The following XRCC4 variants were observed in gnomAD, a reference collection of about 807,000 sequenced individuals.
XRCC4 encodes DNA repair protein XRCC4.
A neutral mutation model predicts 39.1 loss-of-function variants in XRCC4; 28 were observed. That is an observed-to-expected ratio of 0.72 (90% confidence interval 0.53 to 0.98). The LOEUF (loss-of-function observed/expected upper bound fraction) is 0.98. Among genes scored for constraint, XRCC4 ranks in the 50% least tolerant of loss-of-function variants. The pLI, the probability that XRCC4 is intolerant of heterozygous loss-of-function variation, is 0.00. For synonymous variants in XRCC4, 123 were observed against 126.4 expected (o/e 0.97, Z 0.18); for missense variants, 350 against 376.4 (o/e 0.93, Z 0.58).
intron 3 of XRCC4, among the ~76,000 whole-genome samples, chr5:83,127,880 C>CTTTTTTTTTTTTTTTTTTT (rs59797411): frequency 7.5e-6 from 1 of 134,148 alleles, no homozygotes; most frequent in Non-Finnish European, 1.6e-5. Context: ...TCTAAGTTGA[C>CTTTTTTTTTTTTTTTTTTT]TTTTTTTTTT....
Position 83,303,212 on chromosome 5 carries a change from CAAAAAAA to C in XRCC4, c.893+44550_893+44556del, listed in dbSNP as rs760220069. 6.5e-3 allele frequency among the ~76,000 whole-genome samples: 409 copies of C among 62,886 alleles called. 9 individuals are homozygous for C. In the East Asian group the frequency reaches 0.16, roughly 24 times the overall value. 41.3% of individuals were successfully genotyped at this position (62,886 alleles called of 152,430 possible). On this transcript the variant is annotated intron_variant, in intron 7 of 7. Coordinates refer to ENST00000396027, the MANE Select transcript of XRCC4 (RefSeq NM_003401.5). ...TAGGAGACAGAGCAAGACTCCGTCT[CAAAAAAA>C]AAAAAAAAAAAAAAGATGTCAAACT...
chr5:83,343,259 T>C (rs1756817144), intron 7 of XRCC4, among the ~76,000 whole-genome samples: 1 of 152,098 alleles, frequency 6.6e-6, no homozygotes, highest in African/African-American at 2.4e-5. Context: ...ATGTATATAC[T>C]TTTGTTATTT....
At chr5:83,268,755 T>G (rs562530713) in intron 7 of XRCC4, among the ~76,000 whole-genome samples, 3 of 152,262 alleles carry the variant, frequency 2.0e-5, no homozygotes, top group African/African-American at 7.2e-5. Flanking sequence ...CTGTTATGGA[T>G]GTAGTGCTGA....
chr5:83,269,757 G>A (rs1217085555), intron 7 of XRCC4, among the ~76,000 whole-genome samples: 1 of 151,912 alleles, frequency 6.6e-6, no homozygotes. Flanking sequence ...CTAACCCAGC[G>A]GAATCTTCCC....
intron 1 of XRCC4, among the ~76,000 whole-genome samples, chr5:83,082,408 T>G (rs1467735873): frequency 1.3e-5 from 2 of 152,312 alleles, no homozygotes; most frequent in South Asian, 4.1e-4. Context: ...CTGGTTTTGA[T>G]AAATGCACCG....
chr5:83,171,382 C>T (rs1026323437), intron 3 of XRCC4, among the ~76,000 whole-genome samples: 4 of 152,034 alleles, frequency 2.6e-5, no homozygotes, highest in African/African-American at 9.7e-5. Context: ...TTGTCCTTAT[C>T]AGAGGACAAA....
chr5:83,216,620 A>T (rs571783855), intron 6 of XRCC4, among the ~76,000 whole-genome samples: 1 of 152,296 alleles, frequency 6.6e-6, no homozygotes, highest in South Asian at 2.1e-4. Context: ...ACAATAAAGT[A>T]TTATTTGGCA....
the XRCC4 span, among the ~76,000 whole-genome samples, chr5:83,367,747 C>T: frequency 6.6e-6 from 1 of 152,012 alleles, no homozygotes; most frequent in African/African-American, 2.4e-5. Context: ...CACCACCATA[C>T]CCAGCTAATT....
At chr5:83,314,437 G>A (rs1397808731) in intron 7 of XRCC4, among the ~76,000 whole-genome samples, 1 of 152,132 alleles carries the variant, frequency 6.6e-6, no homozygotes, top group Admixed American at 6.6e-5. Context: ...CAGTTAAAAT[G>A]TAAATGATAT....
intron 3 of XRCC4, among the ~76,000 whole-genome samples, chr5:83,147,800 T>A (rs921715637): frequency 3.9e-5 from 6 of 151,980 alleles, no homozygotes; most frequent in African/African-American, 1.4e-4. Flanking sequence ...TTTTCTTTTT[T>A]TTTTTTTTGA....
At chr5:83,186,450 T>A (rs2112667547) in intron 3 of XRCC4, among the ~76,000 whole-genome samples, 1 of 152,330 alleles carries the variant, frequency 6.6e-6, no homozygotes, top group East Asian at 1.9e-4. Context: ...CAATTTCTGC[T>A]TTATTCGCAC....
chr5:83,350,798 TG>T (rs1284749072), intron 7 of XRCC4, among the ~76,000 whole-genome samples: 1 of 152,236 alleles, frequency 6.6e-6, no homozygotes, highest in African/African-American at 2.4e-5. Flanking sequence ...TTTTTGTTTT[TG>T]TTGCAGTTGC....
In XRCC4 at chr5:83,259,306, G is replaced by C. The variant is rs562119787; in HGVS notation, c.893+629G>C. 4 of 152,204 alleles carry C rather than the reference G, an allele frequency of 2.6e-5. 1 individual carries two copies. In the South Asian group the frequency reaches 8.3e-4, roughly 32 times the overall value. The allele number at this position is 152,204 out of a possible 1,614,324, so 9.4% of individuals were successfully genotyped here. Reference sequence around the variant, plus strand: ...ATGTTCAAATCATTTGTATCTTTGGGTATGTGTATGTATGCTCTGAAAATT... The same window carrying C: ...ATGTTCAAATCATTTGTATCTTTGGCTATGTGTATGTATGCTCTGAAAATT... On this transcript the variant is annotated intron_variant, in intron 7 of 7. Transcript: ENST00000396027.
chr5:83,234,976 A>G (rs1752631217), intron 6 of XRCC4, among the ~76,000 whole-genome samples: 1 of 151,536 alleles, frequency 6.6e-6, no homozygotes, highest in Non-Finnish European at 1.5e-5. Context: ...ATACTTAAAC[A>G]TTAGCTTTTA....
At chr5:83,362,907 A>G in the XRCC4 span, among the ~76,000 whole-genome samples, 1 of 152,376 alleles carries the variant, frequency 6.6e-6, no homozygotes, top group South Asian at 2.1e-4. Flanking sequence ...CACAAGTCCT[A>G]AAGTGTATGT....
In XRCC4 at chr5:83,111,034, A is replaced by G. The variant is rs1746416779; in HGVS notation, c.146A>G (p.Glu49Gly). The change falls in exon 3 of 8, where the codon GAA (glutamate) becomes GGA (glycine). Residue 49 changes from glutamate to glycine, a missense_variant. Coordinates refer to ENST00000396027, the MANE Select transcript of XRCC4 (RefSeq NM_003401.5). Reference sequence around the variant, plus strand: ...TTGTTAATATTTCCCATAGTTTCTGAATCAGAGATTTCCCAAGAAGCTGAT... The same window carrying G: ...TTGTTAATATTTCCCATAGTTTCTGGATCAGAGATTTCCCAAGAAGCTGAT... ...GHSAWTGTVSESEISQEADDM... is the reference protein window; with the variant it reads ...GHSAWTGTVSGSEISQEADDM... 6.2e-7 allele frequency: 1 copy of G among 1,605,596 alleles called. No homozygotes were observed. The highest frequency in any genetic ancestry group is 8.5e-7 in the Non-Finnish European group (1 of 1,177,600).
In XRCC4 at chr5:83,104,909, G is replaced by A; in HGVS notation, c.-10-1G>A. The stretch of plus-strand genomic sequence containing the variant: ...ATATTAATTGTATTCTCCCATTACA[G>A]GTATTAAGAAATGGAGAGAAAAATA... On this transcript the variant is annotated splice_acceptor_variant, in intron 1 of 7. Coordinates refer to ENST00000396027, the MANE Select transcript of XRCC4 (RefSeq NM_003401.5). LOFTEE classifies it low-confidence loss of function (5UTR_SPLICE). 6.2e-7 allele frequency: 1 copy of A among 1,610,984 alleles called. No individual in the cohort carries two copies. Among genetic ancestry groups the A allele is most frequent in the Non-Finnish European group, 8.5e-7 (1 of 1,177,652 alleles).
chr5:83,129,828 A>T (rs1215314650), intron 3 of XRCC4, among the ~76,000 whole-genome samples: 2 of 152,102 alleles, frequency 1.3e-5, no homozygotes, highest in South Asian at 4.1e-4. Context: ...GTATCCTGAG[A>T]CTTTGCTGAA....
intron 3 of XRCC4, among the ~76,000 whole-genome samples, chr5:83,113,711 C>A (rs745330994): frequency 2.0e-5 from 3 of 152,070 alleles, no homozygotes; most frequent in Non-Finnish European, 4.4e-5. Context: ...ACTGCAAGCT[C>A]CGCCTCCTGG....
Sources: allele counts gnomAD v4.1 joint callset (sites outside exome capture counted in the v4.1 genomes callset), GRCh38; gene constraint gnomAD v4.1.1; transcripts MANE v1.5; gene names NCBI Gene and HGNC (gene_info 2026-07-23, HGNC 2026-07-21).